Variants in PMPCB observed in about 807,000 individuals in gnomAD.
PMPCB encodes mitochondrial-processing peptidase subunit beta.
A neutral mutation model predicts 61.5 loss-of-function variants in PMPCB; 46 were observed. The ratio of observed to expected loss-of-function variants is 0.75; its 90% CI spans 0.59 to 0.96. PMPCB has a LOEUF of 0.96. Among genes scored for constraint, PMPCB ranks in the 40% least tolerant of loss-of-function variants. The probability of loss-of-function intolerance (pLI) is 0.00; values close to 1 mark genes in which losing one functional copy is unlikely to be tolerated. For missense variants in PMPCB, 590 were observed against 602.4 expected (o/e 0.98, Z 0.22); for synonymous variants, 191 against 201.6 (o/e 0.95, Z 0.44).
the PMPCB span, chr7:103,337,724 C>T: frequency 6.2e-7 from 1 of 1,604,824 alleles, no homozygotes; most frequent in Non-Finnish European, 8.5e-7. Flanking sequence ...TTCAAAATAA[C>T]TAAGTACTTA....
At chr7:103,308,612 C>G (rs1220409072) in intron 7 of PMPCB, among the ~76,000 whole-genome samples, 1 of 152,018 alleles carries the variant, frequency 6.6e-6, no homozygotes, top group Admixed American at 6.5e-5. Flanking sequence ...GAGTGAGACT[C>G]TGTCTCAAAA....
rs138057080 is a variant in PMPCB, at chr7:103,300,964, G to A, written c.457+657G>A. Among the ~76,000 whole-genome samples, 987 of 152,318 alleles carry A rather than the reference G, an allele frequency of 6.5e-3. 69 individuals are homozygous for A. The East Asian group carries it at 0.14, about 22-fold the overall frequency. ...CTCCCAAAGTGCTGGGATTATAGGC[G>A]TGAGCCACTGTGCACGGCCATTAGT... On this transcript the variant is annotated intron_variant, in intron 4 of 12. Coordinates refer to ENST00000249269, the MANE Select transcript of PMPCB (RefSeq NM_004279.3).
rs772260124 is a variant in PMPCB, at chr7:103,297,547, G to A, written c.88G>A (p.Ala30Thr). Reference protein sequence around the residue: ...GFSESLLIRGAAGRSLYFGEN... With the variant: ...GFSESLLIRGTAGRSLYFGEN... ...CAGCGAGAGTCTTCTAATCCGAGGC[G>A]CTGCGGGACGGGTGAGCTTCCCTCC... The change falls in exon 1 of 13, where the codon GCT becomes ACT. Residue 30 changes from alanine to threonine, a missense_variant. Coordinates refer to ENST00000249269, the MANE Select transcript of PMPCB (RefSeq NM_004279.3). 1.9e-6 allele frequency: 3 copies of A among 1,609,982 alleles called. No homozygotes were observed. The highest frequency in any genetic ancestry group is 1.1e-5 in the South Asian group (1 of 90,806).
At chr7:103,332,359 A>T (rs1819012042), downstream of PMPCB, among the ~76,000 whole-genome samples, 2 of 152,330 alleles carry the variant, frequency 1.3e-5, no homozygotes, top group East Asian at 3.9e-4. Context: ...TTATATTAAT[A>T]GGAATTGTTT....
rs138480031 is a variant in PMPCB at position 103,323,804 on chromosome 7, T to TTA, written c.*1432-5126_*1432-5125dup. On this transcript the variant is annotated intron_variant and NMD_transcript_variant, in intron 12 of 12. Transcript: ENST00000444457. ...ACTAAGGTCAAGTCTTTCTCCTTTT[T>TTA]TAAGGACATTGCATTTGGTATGAAA... 8.0e-3 allele frequency: 5,124 copies of TTA among 640,386 alleles called. 219 individuals carry two copies. In the African/African-American group the frequency reaches 0.086, roughly 11 times the overall value. 39.7% of individuals were successfully genotyped at this position (640,386 alleles called of 1,614,324 possible).
downstream of PMPCB, among the ~76,000 whole-genome samples, chr7:103,330,234 A>G (rs1818909436): frequency 6.7e-6 from 1 of 150,152 alleles, no homozygotes; most frequent in African/African-American, 2.4e-5. Flanking sequence ...GAGAAACTCT[A>G]TGTGTTCATG....
chr7:103,308,578 C>T (rs1391789186), intron 7 of PMPCB, among the ~76,000 whole-genome samples: 4 of 152,006 alleles, frequency 2.6e-5, no homozygotes, highest in African/African-American at 9.7e-5. Context: ...GAGATGGTGC[C>T]ACTGCACTCC....
chr7:103,327,792 A>G (rs778119167), intron 12 of PMPCB: 2 of 1,393,490 alleles, frequency 1.4e-6, no homozygotes, highest in Admixed American at 3.7e-5. Flanking sequence ...TTGTCACTTT[A>G]AGCACCAAAA....
rs1452463599 is a variant in PMPCB, at chr7:103,313,443, AAC to A, written c.*1176_*1177del. 2.0e-6 allele frequency: 2 copies of A among 984,854 alleles called. No individual in the cohort carries two copies. Among genetic ancestry groups the A allele is most frequent in the Non-Finnish European group, 2.4e-6 (2 of 829,502 alleles). 61.0% of individuals were successfully genotyped at this position (984,854 alleles called of 1,614,324 possible). A position where few individuals can be genotyped will look rare whatever the true frequency, so the allele number is the denominator to read the frequency against. ...GTACTGTTGGACTCTTGGACTCAAA[AAC>A]ACAACCACAATTCATTAAGAGTTCT... On this transcript the variant is annotated 3_prime_UTR_variant, in exon 13 of 13. Transcript: ENST00000249269.
chr7:103,321,840 C>T (rs1818437713), intron 12 of PMPCB: 2 of 1,426,244 alleles, frequency 1.4e-6, no homozygotes, highest in Admixed American at 1.9e-5. Context: ...AGAGCGAGAC[C>T]CCATCTAAAA....
intron 6 of PMPCB, among the ~76,000 whole-genome samples, chr7:103,306,173 T>TATA (rs1817570187): frequency 6.6e-6 from 1 of 152,212 alleles, no homozygotes; most frequent in Non-Finnish European, 1.5e-5. Context: ...CATCAGGATG[T>TATA]ATAGCTTTTA....
chr7:103,308,283 G>A (rs1376696185), intron 7 of PMPCB, among the ~76,000 whole-genome samples: 1 of 152,194 alleles, frequency 6.6e-6, no homozygotes, highest in African/African-American at 2.4e-5. Context: ...AGCATTGGCA[G>A]TACAAAAATA....
At chr7:103,309,979 T>C (rs1399201607) in intron 8 of PMPCB, among the ~76,000 whole-genome samples, 1 of 152,236 alleles carries the variant, frequency 6.6e-6, no homozygotes, top group East Asian at 1.9e-4. Flanking sequence ...AAGCTTCATA[T>C]GCAATATAAC....
At position 103,310,432 on chromosome 7, in the gene PMPCB, T is replaced by C. The variant is rs2115704123; in HGVS notation, c.1111T>C (p.Ser371Pro). 6.2e-7 allele frequency: 1 copy of C among 1,613,366 alleles called. No homozygotes were observed. Among genetic ancestry groups the C allele is most frequent in the Non-Finnish European group, 8.5e-7 (1 of 1,179,564 alleles). ...GLWGLYMVCE[S>P]STVADMLHVV... ...ATGGGGACTGTATATGGTTTGTGAA[T>C]CATCCACTGTTGCAGACATGCTACA... Residue 371 changes from serine to proline, a missense_variant, in exon 9 of 13, where the codon TCA (serine) becomes CCA (proline). Coordinates refer to ENST00000249269, the MANE Select transcript of PMPCB (RefSeq NM_004279.3).
chr7:103,319,875 C>T (rs373699568), intron 12 of PMPCB: 328 of 1,606,680 alleles, frequency 2.0e-4, no homozygotes, highest in Non-Finnish European at 2.7e-4. Flanking sequence ...ATAGTATCTA[C>T]ACTCAAAAAT....
chr7:103,321,346 G>A (rs1046207531), intron 12 of PMPCB, among the ~76,000 whole-genome samples: 3 of 151,946 alleles, frequency 2.0e-5, no homozygotes, highest in African/African-American at 7.3e-5. Context: ...GTGAAACTCT[G>A]TCTCAACTAA....
At chr7:103,307,765 C>T (rs917393954) in intron 7 of PMPCB, 57 bp downstream of exon 7, 21 of 927,812 alleles carry the variant, frequency 2.3e-5, no homozygotes, top group Non-Finnish European at 3.7e-5. Flanking sequence ...GTTGTATTTA[C>T]ACATAAGTAA....
chr7:103,346,129 T>C, the PMPCB span, among the ~76,000 whole-genome samples: 1 of 151,998 alleles, frequency 6.6e-6, no homozygotes, highest in African/African-American at 2.4e-5. Flanking sequence ...TGGGTTTTTG[T>C]TTTTTTGTTG....
chr7:103,333,648 C>G (rs1819056465), downstream of PMPCB, among the ~76,000 whole-genome samples: 1 of 152,144 alleles, frequency 6.6e-6, no homozygotes, highest in African/African-American at 2.4e-5. Flanking sequence ...CCCTTGTACC[C>G]TTTTCCACTG....
Sources: allele counts gnomAD v4.1 joint callset (sites outside exome capture counted in the v4.1 genomes callset), GRCh38; gene constraint gnomAD v4.1.1; transcripts MANE v1.5; gene names NCBI Gene and HGNC (gene_info 2026-07-23, HGNC 2026-07-21).